CCDC146: variants seen among roughly 807,000 people sequenced by gnomAD.
The protein encoded by CCDC146 is coiled-coil domain containing 146, also known as coiled-coil domain-containing protein 146.
Under a neutral mutation model 119.3 loss-of-function variants are expected in CCDC146, and 92 were observed. That is an observed-to-expected ratio of 0.77 (90% CI 0.65 to 0.92). The LOEUF is 0.92. CCDC146 is among the 40% of genes least tolerant of loss of function. The probability of loss-of-function intolerance (pLI) is 0.00; values close to 1 mark genes in which losing one functional copy is unlikely to be tolerated. For synonymous variants in CCDC146, 372 were observed against 371.8 expected (o/e 1.00, Z -0.01); for missense variants, 1,000 against 1,103.0 (o/e 0.91, Z 1.32).
At position 77,259,058 on chromosome 7, in the gene CCDC146, C is replaced by G. The variant is rs141122498; in HGVS notation, c.748C>G (p.Arg250Gly). ...QIGKEIEKIT[R>G]KKVEMEKKKI... is the part of the protein sequence containing the mutation. ...TGGAAAAGAGATAGAAAAAATAACA[C>G]GCAAAAAAGTGTATGATTTAATATT... The change falls in exon 7 of 19, where the codon CGC (arginine) becomes GGC (glycine). Residue 250 changes from arginine to glycine, a missense_variant. Arg to Gly is a moderately radical substitution (Grantham distance 125). Transcript: ENST00000285871. 6.2e-7 allele frequency: 1 copy of G among 1,600,646 alleles called. No individual in the cohort carries two copies. Among genetic ancestry groups the G allele is most frequent in the Non-Finnish European group, 8.6e-7 (1 of 1,168,880 alleles).
At chr7:77,180,567 G>A (rs1478182454) in intron 2 of CCDC146, among the ~76,000 whole-genome samples, 9 of 152,202 alleles carry the variant, frequency 5.9e-5, no homozygotes, top group South Asian at 4.1e-4. Flanking sequence ...ATGTAGTGGC[G>A]TGTGCCTGTG....
At chr7:77,283,829 A>G (rs1167680623) in intron 15 of CCDC146, among the ~76,000 whole-genome samples, 1 of 152,146 alleles carries the variant, frequency 6.6e-6, no homozygotes, top group Admixed American at 6.5e-5. Flanking sequence ...GAATGTGTAT[A>G]TGCTGTATAG....
intron 2 of CCDC146, among the ~76,000 whole-genome samples, chr7:77,228,103 A>C (rs767092359): frequency 2.6e-5 from 4 of 152,198 alleles, no homozygotes; most frequent in Non-Finnish European, 5.9e-5. Context: ...TTAAAGACCA[A>C]AATGTATTAG....
chr7:77,192,149 G>A (rs563892263), intron 2 of CCDC146, among the ~76,000 whole-genome samples: 73 of 152,042 alleles, frequency 4.8e-4, no homozygotes, highest in African/African-American at 1.4e-3. Context: ...CTGGTCTCAC[G>A]TGATCCGCCC....
At chr7:77,254,456 A>C in intron 4 of CCDC146, 50 bp from the exon 5 acceptor site, 1 of 1,044,134 alleles carries the variant, frequency 9.6e-7, no homozygotes, top group Non-Finnish European at 1.4e-6. Context: ...TTATTACAGA[A>C]AGAGCTTATT....
rs1179083683 is a variant in CCDC146, at chr7:77,294,827, G to T, written c.2829G>T (p.Arg943Ser). The change falls in exon 19 of 19, where the codon AGG (arginine) becomes AGT (serine). Residue 943 changes from arginine (R) to serine (S), a missense_variant. Arg to Ser is a moderately radical substitution (Grantham distance 110, BLOSUM62 -1). This residue lies in a region of CCDC146 where 985 missense variants were observed against 1,045.3 expected (regional missense o/e 0.94). Transcript: ENST00000285871. ...FKPSEPGANMRHIRKPVIKPV... is the reference protein window; with the variant it reads ...FKPSEPGANMSHIRKPVIKPV... Reference sequence around the variant, plus strand: ...CCAGTGAACCTGGAGCCAATATGAGGCACATAAGGAAACCTGTTATAAAGC... The same window carrying T: ...CCAGTGAACCTGGAGCCAATATGAGTCACATAAGGAAACCTGTTATAAAGC... 1.9e-6 allele frequency: 3 copies of T among 1,613,914 alleles called. No individual in the cohort carries two copies. In the African/African-American group the frequency reaches 4.0e-5, roughly 22 times the overall value.
chr7:77,172,303 C>T (rs3114352), intron 2 of CCDC146, among the ~76,000 whole-genome samples: 41,375 of 152,052 alleles, frequency 0.27, 7,114 homozygotes, highest in Non-Finnish European at 0.34. Context: ...CTTTATATTC[C>T]TTCAGTTGTC....
chr7:77,189,877 C>G (rs1400645949), intron 2 of CCDC146, among the ~76,000 whole-genome samples: 1 of 152,210 alleles, frequency 6.6e-6, no homozygotes, highest in Non-Finnish European at 1.5e-5. Context: ...CAGGCCTCTT[C>G]TGACTGCTCT....
chr7:77,252,370 C>T (rs1793092425), intron 4 of CCDC146, among the ~76,000 whole-genome samples: 1 of 152,056 alleles, frequency 6.6e-6, no homozygotes, highest in Non-Finnish European at 1.5e-5. Flanking sequence ...GAAATATGTT[C>T]CAAATGCATC....
chr7:77,273,718 T>C lies in CCDC146; in HGVS notation c.1198T>C (p.Ser400Pro). 6.2e-7 allele frequency: 1 copy of C among 1,610,466 alleles called. No homozygotes were observed. Among genetic ancestry groups the C allele is most frequent in the Non-Finnish European group, 8.5e-7 (1 of 1,177,770 alleles). Residue 400 changes from serine to proline, a missense_variant, in exon 10 of 19, where the codon TCT (serine) becomes CCT (proline). This residue lies in a region of CCDC146 where 985 missense variants were observed against 1,045.3 expected (regional missense o/e 0.94). Transcript: ENST00000285871. ...LEMEAIPKDD[S>P]TLSERRRELH... ...GATGGAAGCTATCCCCAAAGATGAT[T>C]CTACATTATCTGAGAGAAGGCGAGA...
At chr7:77,191,446 C>T (rs1791760355) in intron 2 of CCDC146, among the ~76,000 whole-genome samples, 2 of 152,280 alleles carry the variant, frequency 1.3e-5, no homozygotes, top group South Asian at 4.1e-4. Flanking sequence ...CTTTGAATAA[C>T]AATACTCATG....
intron 4 of CCDC146, among the ~76,000 whole-genome samples, chr7:77,252,766 G>T (rs1203694582): frequency 6.6e-6 from 1 of 152,212 alleles, no homozygotes; most frequent in Non-Finnish European, 1.5e-5. Context: ...CTCAGCAGAA[G>T]AACTCAATGG....
intron 1 of CCDC146, among the ~76,000 whole-genome samples, chr7:77,136,162 T>A (rs1450697746): frequency 1.3e-5 from 2 of 152,242 alleles, no homozygotes; most frequent in African/African-American, 2.4e-5. Context: ...AGAAATTATG[T>A]AGTATTGAAT....
intron 5 of CCDC146, among the ~76,000 whole-genome samples, chr7:77,255,713 G>A (rs1240496751): frequency 6.6e-6 from 1 of 152,142 alleles, no homozygotes; most frequent in African/African-American, 2.4e-5. Context: ...AGTGTAAGAA[G>A]CCTTCTCTCC....
intron 2 of CCDC146, among the ~76,000 whole-genome samples, chr7:77,218,755 G>A (rs1267437378): frequency 1.3e-5 from 2 of 151,120 alleles, no homozygotes; most frequent in Non-Finnish European, 2.9e-5. Flanking sequence ...ATTTTTTGTA[G>A]AGATGGGGGT....
At chr7:77,130,662 G>A (rs545187088) in intron 1 of CCDC146, among the ~76,000 whole-genome samples, 85 of 140,300 alleles carry the variant, frequency 6.1e-4, no homozygotes, top group African/African-American at 2.1e-3. Flanking sequence ...GCAGTGGCGC[G>A]ATCTCGACTC....
chr7:77,259,515 A>G (rs1793247650), intron 7 of CCDC146, among the ~76,000 whole-genome samples: 1 of 152,200 alleles, frequency 6.6e-6, no homozygotes, highest in South Asian at 2.1e-4. Context: ...GAGGTCATTG[A>G]GGAAATTCTC....
Position 77,196,267 on chromosome 7 carries a change from G to C in CCDC146, c.156+28443G>C. ...TTAGATAACGAATACCTGGAGGAAT[G>C]AACAGAGTGATTTATGGCTTAAAGT... On this transcript the variant is annotated intron_variant, in intron 2 of 18. Transcript: ENST00000285871. This position sits in a 1 kb window ranked among gnomAD's most constrained non-coding sequence, Gnocchi z 4.2. 6.3e-7 allele frequency: 1 copy of C among 1,596,116 alleles called. No homozygotes were observed. Among genetic ancestry groups the C allele is most frequent in the Non-Finnish European group, 8.6e-7 (1 of 1,166,306 alleles).
chr7:77,282,043 A>G (rs1215973335), intron 14 of CCDC146, among the ~76,000 whole-genome samples: 2 of 152,162 alleles, frequency 1.3e-5, no homozygotes, highest in Non-Finnish European at 2.9e-5. Context: ...GCATGATTAC[A>G]AAGGATAGAT....
Sources: allele counts gnomAD v4.1 joint callset (sites outside exome capture counted in the v4.1 genomes callset), GRCh38; gene constraint gnomAD v4.1.1; regional missense constraint gnomAD v4.1.1; non-coding constraint Gnocchi (gnomAD v3.1); transcripts MANE v1.5; gene names NCBI Gene and HGNC (gene_info 2026-07-23, HGNC 2026-07-21).